CMC2: variants seen among roughly 807,000 people sequenced by gnomAD.
CMC2 encodes the protein C-X9-C motif containing 2.
Under a neutral mutation model 7.5 loss-of-function variants are expected in CMC2, and 5 were observed. The observed-to-expected ratio is 0.66, with a 90% CI of 0.35 to 1.40. The LOEUF (loss-of-function observed/expected upper bound fraction) is 1.40, where lower values mean the gene tolerates loss of function less well. Among genes scored for constraint, CMC2 ranks in the 40% most tolerant of loss-of-function variants. The pLI is 0.04. For missense variants in CMC2, 115 were observed against 92.3 expected (o/e 1.25, Z -1.01); for synonymous variants, 37 against 31.4 (o/e 1.18, Z -0.60).
chr16:80,986,661 G>A (rs566539803), intron 2 of CMC2, among the ~76,000 whole-genome samples: 35 of 152,320 alleles, frequency 2.3e-4, no homozygotes, highest in African/African-American at 7.7e-4. Flanking sequence ...AGAGAGATTC[G>A]GCAGAGAACA....
intron 1 of CMC2, among the ~76,000 whole-genome samples, chr16:81,001,560 C>T (rs62056086): frequency 0.059 from 9,012 of 152,048 alleles, 340 homozygotes; most frequent in Non-Finnish European, 0.082. Flanking sequence ...GGTTGCACAA[C>T]ATTATTAATG....
At chr16:80,984,789 G>A (rs537008789) in intron 2 of CMC2, among the ~76,000 whole-genome samples, 46 of 152,222 alleles carry the variant, frequency 3.0e-4, no homozygotes, top group Non-Finnish European at 6.0e-4. Flanking sequence ...AAAAATCCAT[G>A]ACAAAAACTA....
chr16:80,995,574 T>C (rs577876017), intron 2 of CMC2, among the ~76,000 whole-genome samples: 2 of 152,168 alleles, frequency 1.3e-5, no homozygotes, highest in South Asian at 4.2e-4. Flanking sequence ...GGAGAAACAC[T>C]TGAACCTGGG....
chr16:80,987,122 T>C (rs1210051852), intron 2 of CMC2, among the ~76,000 whole-genome samples: 1 of 152,168 alleles, frequency 6.6e-6, no homozygotes, highest in Non-Finnish European at 1.5e-5. Context: ...CTTGAAAGTT[T>C]TGGGACCCTA....
intron 1 of CMC2, among the ~76,000 whole-genome samples, chr16:81,006,237 GGCTCTT>G (rs3842346): frequency 0.63 from 95,356 of 151,914 alleles, 31,468 homozygotes; most frequent in South Asian, 0.79. Flanking sequence ...GTACTGATGG[GGCTCTT>G]GGTGGGTTCT....
chr16:80,998,336 T>C (rs1195639807), intron 1 of CMC2: 4 of 144,198 alleles, frequency 2.8e-5, no homozygotes, highest in East Asian at 2.0e-4. Flanking sequence ...CCAACCCATA[T>C]CCATTAGGAT....
chr16:80,971,562 T>TATATA lies in CMC2; in HGVS notation c.*4530_*4531insTATAT, dbSNP rs1555512297. The TATATA allele has an allele frequency of 6.4e-3, 485 of 75,232 alleles. 8 individuals are homozygous for TATATA. The highest frequency in any genetic ancestry group is 0.011 in the African/African-American group (161 of 14,048). The allele number at this position is 75,232 out of a possible 1,614,324, so 4.7% of individuals were successfully genotyped here. A position where few individuals can be genotyped will look rare whatever the true frequency, so the allele number is the denominator to read the frequency against. ...GGCTATGGATACTGACATACATACA[T>TATATA]TTTATATATATATATATATATATGT... On this transcript the variant is annotated 3_prime_UTR_variant, in exon 4 of 4. Coordinates refer to ENST00000219400, the MANE Select transcript of CMC2 (RefSeq NM_020188.5).
intron 2 of CMC2, among the ~76,000 whole-genome samples, chr16:80,991,008 T>C (rs2151635297): frequency 6.7e-6 from 1 of 149,244 alleles, no homozygotes; most frequent in South Asian, 2.1e-4. Context: ...ATTACAGGAC[T>C]GAGCCACCAA....
At chr16:81,005,713 C>A (rs565665472) in intron 1 of CMC2, among the ~76,000 whole-genome samples, 37 of 152,310 alleles carry the variant, frequency 2.4e-4, no homozygotes, top group Admixed American at 2.0e-3. Context: ...ACTACTCTGA[C>A]TTCCACCGAA....
At chr16:80,982,603 A>G (rs929275513) in intron 2 of CMC2, 15 of 152,052 alleles carry the variant, frequency 9.9e-5, no homozygotes, top group Non-Finnish European at 4.4e-5. Context: ...AAAAGATAAA[A>G]TTTATCAAAA....
intron 1 of CMC2, among the ~76,000 whole-genome samples, chr16:81,005,266 CA>C (rs1275196780): frequency 3.9e-5 from 6 of 152,074 alleles, no homozygotes; most frequent in Non-Finnish European, 7.4e-5. Context: ...ACTAAAAATA[CA>C]AAAATTAGCC....
At position 80,972,180 on chromosome 16, in the gene CMC2, T is replaced by C. The variant is rs1911977543; in HGVS notation, c.*3913A>G. On this transcript the variant is annotated 3_prime_UTR_variant, in exon 4 of 4. Transcript: ENST00000219400. ...GCTTTCCCTTCACCACTTTCTGCTA[T>C]GTACTTATCTCCTTCAGTGACCTCT... 1 of 152,220 alleles carries C rather than the reference T, an allele frequency of 6.6e-6. No homozygotes were observed. The allele number at this position is 152,220 out of a possible 1,614,324, so 9.4% of individuals were successfully genotyped here.
chr16:81,000,897 T>C (rs1298599032), intron 1 of CMC2, among the ~76,000 whole-genome samples: 4 of 152,224 alleles, frequency 2.6e-5, no homozygotes, highest in Non-Finnish European at 5.9e-5. Context: ...CATGCACTCA[T>C]AAGTTCTTTG....
chr16:80,978,400 G>T (rs1597211406), intron 3 of CMC2: 2 of 1,264,926 alleles, frequency 1.6e-6, no homozygotes, highest in Non-Finnish European at 2.1e-6. Flanking sequence ...ATCTCCAAAG[G>T]AAGTCCAGAT....
chr16:80,987,588 C>A (rs1026351606), intron 2 of CMC2, among the ~76,000 whole-genome samples: 1 of 152,078 alleles, frequency 6.6e-6, no homozygotes, highest in African/African-American at 2.4e-5. Flanking sequence ...GCAAAATAGG[C>A]CAGTAGATCA....
intron 2 of CMC2, among the ~76,000 whole-genome samples, chr16:80,988,008 C>T (rs1347823827): frequency 6.7e-6 from 1 of 150,182 alleles, no homozygotes; most frequent in Non-Finnish European, 1.5e-5. Context: ...GAGCCTGTCT[C>T]TAGGAGGAAA....
At chr16:80,995,560 G>C (rs897659735) in intron 2 of CMC2, among the ~76,000 whole-genome samples, 16 of 152,106 alleles carry the variant, frequency 1.1e-4, no homozygotes, top group African/African-American at 3.9e-4. Context: ...GGCAAACTGA[G>C]ACAGGAGAAA....
Position 80,970,747 on chromosome 16 carries a change from A to C in CMC2, c.*5346T>G, listed in dbSNP as rs1911856367. The C allele has an allele frequency of 6.6e-6, 1 of 152,234 alleles. No homozygotes were observed. The highest frequency in any genetic ancestry group is 2.1e-4 in the South Asian group (1 of 4,836). 9.4% of individuals were successfully genotyped at this position (152,234 alleles called of 1,614,324 possible). A position where few individuals can be genotyped will look rare whatever the true frequency, so the allele number is the denominator to read the frequency against. On this transcript the variant is annotated 3_prime_UTR_variant, in exon 4 of 4. Transcript: ENST00000219400. Reference sequence around the variant, plus strand: ...CCTTCTGAATGTAAGATAAATATACAGAAGTCAATTACACTCCAATGTATC... The same window carrying C: ...CCTTCTGAATGTAAGATAAATATACCGAAGTCAATTACACTCCAATGTATC...
At chr16:80,993,961 G>C (rs187204269) in intron 2 of CMC2, among the ~76,000 whole-genome samples, 1 of 152,174 alleles carries the variant, frequency 6.6e-6, no homozygotes, top group Non-Finnish European at 1.5e-5. Flanking sequence ...CAAGGCAACA[G>C]TAATTAAGAC....
Sources: gnomAD v4.1 joint callset for allele counts (sites outside exome capture counted in the v4.1 genomes callset) on GRCh38, gnomAD v4.1.1 for gene constraint, MANE v1.5 for transcripts, NCBI Gene and HGNC (gene_info 2026-07-23, HGNC 2026-07-21) for gene names.